The following TLDC2 variants were observed in gnomAD, a reference collection of about 807,000 sequenced individuals.
TLDC2 encodes the protein TLD domain-containing protein 2.
In TLDC2, 23 loss-of-function variants were observed where a neutral mutation model predicts 27.9. The ratio of observed to expected loss-of-function variants is 0.82; its 90% CI spans 0.59 to 1.17. The LOEUF (loss-of-function observed/expected upper bound fraction) is 1.17, where lower values mean the gene tolerates loss of function less well. Ranked by LOEUF, TLDC2 falls within the 50% of genes most tolerant of loss-of-function variation. The pLI, the probability that TLDC2 is intolerant of heterozygous loss-of-function variation, is 0.00. For missense variants in TLDC2, 286 were observed against 273.4 expected (o/e 1.05, Z -0.32); for synonymous variants, 124 against 107.4 (o/e 1.16, Z -0.96).
intron 6 of TLDC2, 64 bp downstream of exon 6, chr20:36,889,467 A>C: frequency 1.3e-6 from 2 of 1,535,348 alleles, no homozygotes; most frequent in Non-Finnish European, 1.8e-6. Flanking sequence ...GTGCTGTTTG[A>C]AACACAGATG....
chr20:36,876,238 G>T, intron 1 of TLDC2, 31 bp downstream of exon 1: 19 of 1,614,116 alleles, frequency 1.2e-5, no homozygotes, highest in Non-Finnish European at 1.6e-5. Flanking sequence ...TGTGGTGCAG[G>T]TTGGGAGGTG....
Position 36,878,202 on chromosome 20 carries a change from TC to T in TLDC2, c.189+149del. ...TACCTCCGGCAAATTGCTTCTTCTC[TC>T]GGGGCTTTGCTTTCCCTTCTTGTAA... On this transcript the variant is annotated intron_variant, in intron 2 of 6. Coordinates refer to ENST00000217320, the MANE Select transcript of TLDC2 (RefSeq NM_080628.3). 5.7e-6 allele frequency: 5 copies of T among 876,528 alleles called. No individual in the cohort carries two copies. The South Asian group carries it at 9.3e-5, about 16-fold the overall frequency. 54.3% of individuals were successfully genotyped at this position (876,528 alleles called of 1,614,324 possible).
chr20:36,880,081 A>ATATATG (rs1989775126), intron 3 of TLDC2, among the ~76,000 whole-genome samples: 1 of 42,016 alleles, frequency 2.4e-5, no homozygotes, highest in African/African-American at 6.1e-5. Flanking sequence ...ATATATATAT[A>ATATATG]TATATATATA....
In TLDC2 at chr20:36,887,500, T is replaced by C. The variant is rs766417400; in HGVS notation, c.484T>C (p.Leu162=). The change falls in exon 5 of 7, where the codon TTG becomes CTG. Residue 162 remains leucine, a synonymous_variant. Coordinates refer to ENST00000217320, the MANE Select transcript of TLDC2 (RefSeq NM_080628.3). The part of the protein sequence containing the change: ...GSNSFFVKGD[L]DSLMMGSGSG... ...CAACTCTTTCTTTGTGAAGGGAGAC[T>C]TGGATTCACTGATGATGGGCAGTGG... The C allele has an allele frequency of 6.2e-7, 1 of 1,614,178 alleles. No homozygotes were observed. The highest frequency in any genetic ancestry group is 1.1e-5 in the South Asian group (1 of 91,088).
Position 36,887,545 on chromosome 20 carries a change from TC to T in TLDC2, c.512+20del, listed in dbSNP as rs746864421. 2.5e-6 allele frequency: 4 copies of T among 1,611,792 alleles called. No individual in the cohort carries two copies. In the East Asian group the frequency reaches 6.7e-5, roughly 27 times the overall value. On this transcript the variant is annotated intron_variant, in intron 5 of 6. Coordinates refer to ENST00000217320, the MANE Select transcript of TLDC2 (RefSeq NM_080628.3). ...CAGTGGCAGGTGAGTGTCTCAGTCT[TC>T]CCGAGTCTTGGGGCGGTCTGTGTTC... is the stretch of plus-strand genomic sequence containing the variant.
At chr20:36,892,325 T>C (rs1458803874) in intron 6 of TLDC2, 2 of 162,266 alleles carry the variant, frequency 1.2e-5, no homozygotes, top group Non-Finnish European at 2.7e-5. Flanking sequence ...TATGCTTAGG[T>C]CACTCTTAGA....
Position 36,892,932 on chromosome 20 carries a change from T to G in TLDC2, c.*88T>G. 1 of 1,614,012 alleles carries G rather than the reference T, an allele frequency of 6.2e-7. No individual in the cohort carries two copies. The highest frequency in any genetic ancestry group is 8.5e-7 in the Non-Finnish European group (1 of 1,179,994). On this transcript the variant is annotated 3_prime_UTR_variant, in exon 7 of 7. Transcript: ENST00000217320. ...TTTGTAAACAACTGACTACAGACATTCACATTGGGTCATCTTTAAAAAGCT... is the reference window on the plus strand; with the variant it reads ...TTTGTAAACAACTGACTACAGACATGCACATTGGGTCATCTTTAAAAAGCT...
At chr20:36,890,313 C>T (rs1403926811) in intron 6 of TLDC2, 1 of 152,084 alleles carries the variant, frequency 6.6e-6, no homozygotes, top group Admixed American at 6.6e-5. Context: ...ATTTACATTC[C>T]CAAGGTAACC....
At position 36,885,092 on chromosome 20, in the gene TLDC2, G is replaced by T. The variant is rs560674722; in HGVS notation, c.439-2363G>T. Among the ~76,000 whole-genome samples the T allele has an allele frequency of 6.1e-4, 93 of 152,122 alleles. 2 individuals carry two copies. The Middle Eastern group carries it at 0.02, about 33-fold the overall frequency. The stretch of plus-strand genomic sequence containing the variant: ...GGGTTTCACCACGTTGGCGAGGCTG[G>T]TCTTGAACTCCTGACCTCAGGTGAT... On this transcript the variant is annotated intron_variant, in intron 4 of 6. Coordinates refer to ENST00000217320, the MANE Select transcript of TLDC2 (RefSeq NM_080628.3).
At chr20:36,884,069 G>C (rs993872329) in intron 4 of TLDC2, among the ~76,000 whole-genome samples, 1 of 152,146 alleles carries the variant, frequency 6.6e-6, no homozygotes, top group Admixed American at 6.5e-5. Flanking sequence ...ACTCTAGCCA[G>C]GGTGACAGAG....
In TLDC2 at chr20:36,877,999, C is replaced by T. The variant is rs775503175; in HGVS notation, c.134C>T (p.Thr45Met). 1.1e-5 allele frequency: 18 copies of T among 1,613,976 alleles called. No individual in the cohort carries two copies. Among genetic ancestry groups the T allele is most frequent in the Admixed American group, 3.3e-5 (2 of 60,002 alleles). ...CCAGCTGCTGCTCCTGAGGATCCCA[C>T]GGTGCCCCAGCTGACAGAAGCCAGC... ...PDPAAAPEDP[T>M]VPQLTEASQV... The change falls in exon 2 of 7, where the codon ACG becomes ATG. Residue 45 changes from threonine to methionine, a missense_variant. Coordinates refer to ENST00000217320, the MANE Select transcript of TLDC2 (RefSeq NM_080628.3).
chr20:36,887,480 CTTTCT>C lies in TLDC2; in HGVS notation c.467_471del (p.Phe156CysfsTer74). 6.2e-7 allele frequency: 1 copy of C among 1,614,130 alleles called. No individual in the cohort carries two copies. The highest frequency in any genetic ancestry group is 8.5e-7 in the Non-Finnish European group (1 of 1,180,010). On this transcript the variant is annotated frameshift_variant, in exon 5 of 7. Transcript: ENST00000217320. LOFTEE classifies it high-confidence loss of function. ...GTCTTTAAGTGGACTGGAAGCAACT[CTTTCT>C]TTGTGAAGGGAGACTTGGATTCACT...
intron 5 of TLDC2, 94 bp from the exon 6 acceptor site, chr20:36,889,157 G>A (rs960447331): frequency 1.0e-5 from 16 of 1,541,704 alleles, no homozygotes; most frequent in African/African-American, 2.7e-5. Flanking sequence ...CTGGGCTGCC[G>A]TCCTGGCATG....
intron 3 of TLDC2, among the ~76,000 whole-genome samples, chr20:36,880,097 A>G (rs1169887327): frequency 5.7e-4 from 13 of 22,700 alleles, no homozygotes; most frequent in East Asian, 2.4e-3. Context: ...ATATATATAT[A>G]TATACTTTTT....
chr20:36,891,597 G>C (rs1026344251), intron 6 of TLDC2: 1 of 152,304 alleles, frequency 6.6e-6, no homozygotes, highest in African/African-American at 2.4e-5. Context: ...CCACCAAGGT[G>C]GTGCCCACTC....
chr20:36,885,776 TA>T (rs1989908262), intron 4 of TLDC2, among the ~76,000 whole-genome samples: 1 of 152,178 alleles, frequency 6.6e-6, no homozygotes, highest in South Asian at 2.1e-4. Flanking sequence ...TTGCATTCAA[TA>T]AATATATATG....
intron 4 of TLDC2, among the ~76,000 whole-genome samples, chr20:36,885,174 G>T (rs748903071): frequency 5.9e-5 from 9 of 152,178 alleles, no homozygotes; most frequent in Non-Finnish European, 1.2e-4. Flanking sequence ...ACCGTGCCCG[G>T]CCAGAGAACT....
At position 36,876,953 on chromosome 20, in the gene TLDC2, C is replaced by T. The variant is rs992360132; in HGVS notation, c.33+746C>T. Reference sequence around the variant, plus strand: ...CCTACACAACTCTATTCCAAGCCAACACACAATTCGCACAGACAAACACAT... The same window carrying T: ...CCTACACAACTCTATTCCAAGCCAATACACAATTCGCACAGACAAACACAT... On this transcript the variant is annotated intron_variant, in intron 1 of 6. Transcript: ENST00000217320. Among the ~76,000 whole-genome samples the T allele has an allele frequency of 2.1e-4, 32 of 152,320 alleles. 1 individual carries two copies. Among genetic ancestry groups the T allele is most frequent in the African/African-American group, 7.7e-4 (32 of 41,572 alleles).
intron 1 of TLDC2, among the ~76,000 whole-genome samples, chr20:36,876,690 C>G (rs1989675847): frequency 6.6e-6 from 1 of 151,834 alleles, no homozygotes; most frequent in Non-Finnish European, 1.5e-5. Flanking sequence ...CTCAAACACA[C>G]TCAAATGCAC....
Sources: allele counts gnomAD v4.1 joint callset (sites outside exome capture counted in the v4.1 genomes callset), GRCh38; gene constraint gnomAD v4.1.1; transcripts MANE v1.5; gene names NCBI Gene and HGNC (gene_info 2026-07-23, HGNC 2026-07-21).